Variants in GRIN2A observed in about 807,000 individuals in gnomAD.
The protein encoded by GRIN2A is glutamate receptor ionotropic, NMDA 2A.
GRIN2A carries 22 observed loss-of-function variants against 113.4 expected under a neutral mutation model. The observed-to-expected ratio is 0.19, with a 90% confidence interval of 0.14 to 0.28. GRIN2A has a LOEUF of 0.28. Among genes scored for constraint, GRIN2A ranks in the 10% least tolerant of loss-of-function variants. The pLI, the probability that GRIN2A is intolerant of heterozygous loss-of-function variation, is 1.00. For missense variants in GRIN2A, 1,502 were observed against 1,887.0 expected (o/e 0.80, Z 3.78); for synonymous variants, 827 against 738.4 (o/e 1.12, Z -1.94).
At chr16:10,178,220 C>T (rs1190216086) in intron 2 of GRIN2A, among the ~76,000 whole-genome samples, 1 of 152,200 alleles carries the variant, frequency 6.6e-6, no homozygotes, top group Non-Finnish European at 1.5e-5. Flanking sequence ...AGATTGGCCC[C>T]TCCCATACAA....
At chr16:10,044,779 G>C (rs574331368) in intron 2 of GRIN2A, among the ~76,000 whole-genome samples, 2 of 151,876 alleles carry the variant, frequency 1.3e-5, no homozygotes, top group East Asian at 3.9e-4. Context: ...TCATGTGTTC[G>C]AATCTGATTC....
chr16:9,812,460 G>A (rs191811205), intron 10 of GRIN2A, among the ~76,000 whole-genome samples: 134 of 152,204 alleles, frequency 8.8e-4, no homozygotes, highest in Middle Eastern at 3.4e-3. Context: ...CCAACATGGC[G>A]AAACCCCGTC....
intron 2 of GRIN2A, among the ~76,000 whole-genome samples, chr16:10,145,628 A>T (rs1031155703): frequency 2.6e-5 from 4 of 152,226 alleles, no homozygotes; most frequent in African/African-American, 9.7e-5. Flanking sequence ...GTTTATTCTG[A>T]AACTGAGTCA....
At chr16:9,924,292 G>C (rs2044414458) in intron 3 of GRIN2A, among the ~76,000 whole-genome samples, 1 of 151,986 alleles carries the variant, frequency 6.6e-6, no homozygotes, top group Admixed American at 6.5e-5. Flanking sequence ...AATTCTTCCA[G>C]TTATTCTATT....
At chr16:10,129,051 CTTTT>C (rs574193107) in intron 2 of GRIN2A, among the ~76,000 whole-genome samples, 1 of 148,800 alleles carries the variant, frequency 6.7e-6, no homozygotes, top group Non-Finnish European at 1.5e-5. Context: ...ATGTGCATCA[CTTTT>C]TTTTTTAAGC....
intron 2 of GRIN2A, among the ~76,000 whole-genome samples, chr16:10,047,779 T>A (rs1193049529): frequency 6.6e-6 from 1 of 152,192 alleles, no homozygotes; most frequent in Non-Finnish European, 1.5e-5. Context: ...AGATGACTAA[T>A]GGGCACAGGA....
At chr16:10,122,346 C>T (rs1040039286) in intron 2 of GRIN2A, among the ~76,000 whole-genome samples, 5 of 152,154 alleles carry the variant, frequency 3.3e-5, no homozygotes, top group African/African-American at 1.2e-4. Context: ...TCCAAGTGAA[C>T]TCTCTTTCAG....
intron 2 of GRIN2A, 105 bp downstream of exon 2, chr16:10,179,893 C>CCCAGA: frequency 1.4e-6 from 1 of 719,818 alleles, no homozygotes; most frequent in Non-Finnish European, 2.4e-6. Flanking sequence ...CCCCCACCCC[C>CCCAGA]ACTTCACATC....
intron 2 of GRIN2A, among the ~76,000 whole-genome samples, chr16:10,114,055 GGT>G (rs1456181738): frequency 6.6e-6 from 1 of 152,066 alleles, no homozygotes; most frequent in Non-Finnish European, 1.5e-5. Context: ...AGCCATGCAT[GGT>G]GGTGTGTGCC....
intron 2 of GRIN2A, among the ~76,000 whole-genome samples, chr16:10,122,763 G>A (rs567038766): frequency 2.6e-5 from 4 of 152,100 alleles, no homozygotes; most frequent in African/African-American, 7.2e-5. Flanking sequence ...GGAAATTGAC[G>A]CACGATCAGC....
intron 11 of GRIN2A, among the ~76,000 whole-genome samples, chr16:9,789,298 C>T (rs929894937): frequency 6.6e-6 from 1 of 152,110 alleles, no homozygotes; most frequent in Admixed American, 6.6e-5. Context: ...CATCATAAAC[C>T]AGCAGACTAA....
At chr16:9,985,145 C>T (rs2045957350) in intron 2 of GRIN2A, among the ~76,000 whole-genome samples, 1 of 152,156 alleles carries the variant, frequency 6.6e-6, no homozygotes, top group African/African-American at 2.4e-5. Context: ...AGGTGTGCTT[C>T]TCAGTTACGT....
intron 2 of GRIN2A, among the ~76,000 whole-genome samples, chr16:10,147,375 G>A (rs532497780): frequency 1.0e-4 from 15 of 148,824 alleles, no homozygotes; most frequent in Admixed American, 2.1e-4. Flanking sequence ...TTGGGAGGCC[G>A]AGGTAAGCAG....
At chr16:10,128,782 A>C (rs1431023484) in intron 2 of GRIN2A, among the ~76,000 whole-genome samples, 1 of 152,244 alleles carries the variant, frequency 6.6e-6, no homozygotes, top group African/African-American at 2.4e-5. Flanking sequence ...GATCCATGAG[A>C]TAGCTGAGAA....
chr16:10,111,845 T>G (rs1305722546), intron 2 of GRIN2A: 12 of 1,106,378 alleles, frequency 1.1e-5, no homozygotes, highest in Non-Finnish European at 1.6e-5. Context: ...AGCAAGTTGG[T>G]GGGCATCATC....
intron 3 of GRIN2A, among the ~76,000 whole-genome samples, chr16:9,913,164 G>C (rs2044178981): frequency 6.6e-6 from 1 of 152,168 alleles, no homozygotes; most frequent in African/African-American, 2.4e-5. Flanking sequence ...ACTAGCTCTA[G>C]TTCTCTACTG....
At chr16:9,909,491 G>C (rs1180730008) in intron 3 of GRIN2A, among the ~76,000 whole-genome samples, 5 of 152,168 alleles carry the variant, frequency 3.3e-5, no homozygotes, top group Admixed American at 6.5e-5. Context: ...ACTGAAATGT[G>C]GATAGTGTGA....
At chr16:9,827,207 G>C (rs539823918) in intron 9 of GRIN2A, among the ~76,000 whole-genome samples, 11 of 152,298 alleles carry the variant, frequency 7.2e-5, no homozygotes, top group African/African-American at 2.2e-4. Flanking sequence ...AACATTATAC[G>C]GCTGGCTGGC....
chr16:10,073,888 C>G (rs1345233248), intron 2 of GRIN2A, among the ~76,000 whole-genome samples: 1 of 147,036 alleles, frequency 6.8e-6, no homozygotes, highest in Non-Finnish European at 1.5e-5. Context: ...CCACTGCACT[C>G]CAATCTGTGT....
Sources: gnomAD v4.1 joint callset for allele counts (sites outside exome capture counted in the v4.1 genomes callset) on GRCh38, gnomAD v4.1.1 for gene constraint, MANE v1.5 for transcripts, NCBI Gene and HGNC (gene_info 2026-07-23, HGNC 2026-07-21) for gene names.